The following ADGRV1 variants were observed in gnomAD, a reference collection of about 807,000 sequenced individuals.
ADGRV1 encodes the protein G-protein coupled receptor 98.
ADGRV1 carries 359 observed loss-of-function variants against 596.2 expected under a neutral mutation model. That is an observed-to-expected ratio of 0.60 (90% CI 0.55 to 0.66). The LOEUF is 0.66. Ranked by LOEUF, ADGRV1 falls within the 30% of genes least tolerant of loss-of-function variation. The probability of loss-of-function intolerance (pLI) is 0.00; values close to 1 mark genes in which losing one functional copy is unlikely to be tolerated. For synonymous variants in ADGRV1, 2,681 were observed against 2,679.2 expected (o/e 1.00, Z -0.02); for missense variants, 7,274 against 7,575.6 (o/e 0.96, Z 1.48).
At chr5:90,619,204 A>G (rs16868854) in intron 4 of ADGRV1, 23 bp downstream of exon 4, 4 of 1,067,180 alleles carry the variant, frequency 3.7e-6, no homozygotes, top group Non-Finnish European at 5.3e-6. Context: ...TTTGATGATA[A>G]TTGTGGTTGC....
chr5:90,897,108 A>G (rs1013969955), intron 83 of ADGRV1, among the ~76,000 whole-genome samples: 26 of 152,258 alleles, frequency 1.7e-4, no homozygotes, highest in Admixed American at 1.7e-3. Flanking sequence ...CACACATTTT[A>G]AAGAGGAAAA....
intron 84 of ADGRV1, among the ~76,000 whole-genome samples, chr5:90,980,782 A>G (rs1470482721): frequency 6.6e-6 from 1 of 152,212 alleles, no homozygotes; most frequent in Non-Finnish European, 1.5e-5. Context: ...CATTTGCTAT[A>G]TATCTGTTAA....
At chr5:90,768,664 G>A (rs1273298503) in intron 59 of ADGRV1, among the ~76,000 whole-genome samples, 2 of 152,136 alleles carry the variant, frequency 1.3e-5, no homozygotes, top group Non-Finnish European at 2.9e-5. Flanking sequence ...TGGTAACAGG[G>A]CAAAGTCCTT....
intron 1 of ADGRV1, among the ~76,000 whole-genome samples, chr5:90,563,820 T>C (rs1014407717): frequency 3.3e-5 from 5 of 152,240 alleles, no homozygotes; most frequent in African/African-American, 1.2e-4. Context: ...AAGATTTTTG[T>C]CAGCTTCTTT....
intron 83 of ADGRV1, among the ~76,000 whole-genome samples, chr5:90,938,802 T>C (rs1775930588): frequency 6.6e-6 from 1 of 152,190 alleles, no homozygotes; most frequent in Admixed American, 6.5e-5. Flanking sequence ...GGATTGTTTA[T>C]TTTACAAAGT....
In ADGRV1 at chr5:90,834,921, CTTCTTTCT is replaced by C. The variant is rs141937099; in HGVS notation, c.16612-5642_16612-5635del. Among the ~76,000 whole-genome samples, 32 of 127,906 alleles carry C rather than the reference CTTCTTTCT, an allele frequency of 2.5e-4. No homozygotes were observed. The South Asian group carries it at 6.6e-3, about 26-fold the overall frequency. The allele number at this position is 127,906 out of a possible 152,430, so 83.9% of individuals were successfully genotyped here. On this transcript the variant is annotated intron_variant, in intron 77 of 89. Coordinates refer to ENST00000405460, the MANE Select transcript of ADGRV1 (RefSeq NM_032119.4). ...TTCTCTTTCTTTTTCTTTCTCTTTCCTTCTTTCTTTCTTTCTTTCTTTTTCTTTCTCCT... is the reference window on the plus strand; with the variant it reads ...TTCTCTTTCTTTTTCTTTCTCTTTCCTTCTTTCTTTCTTTTTCTTTCTCCT...
In ADGRV1 at chr5:90,712,304, T is replaced by A; in HGVS notation, c.9060T>A (p.Asp3020Glu). Residue 3020 changes from aspartate (D) to glutamate (E), a missense_variant, in exon 42 of 90, where the codon GAT becomes GAA. Asp to Glu is a conservative substitution (Grantham distance 45). Around this residue, in one of 5 missense-constraint regions of ADGRV1, gnomAD observed 3,643 missense variants for 3,809.2 expected, o/e 0.96. Coordinates refer to ENST00000405460, the MANE Select transcript of ADGRV1 (RefSeq NM_032119.4). ...IFTPMILHFADGERYKNVNIM... is the reference protein window; with the variant it reads ...IFTPMILHFAEGERYKNVNIM... ...TTGACCAGATTCTTCATTTTGCTGATGGAGAAAGGTATAAAAATGTCAATA... is the reference window on the plus strand; with the variant it reads ...TTGACCAGATTCTTCATTTTGCTGAAGGAGAAAGGTATAAAAATGTCAATA... 1 of 1,540,828 alleles carries A rather than the reference T, an allele frequency of 6.5e-7. No homozygotes were observed. Among genetic ancestry groups the A allele is most frequent in the South Asian group, 1.2e-5 (1 of 81,970 alleles).
At chr5:90,996,978 T>C (rs1360301724) in intron 85 of ADGRV1, among the ~76,000 whole-genome samples, 4 of 152,232 alleles carry the variant, frequency 2.6e-5, no homozygotes, top group Non-Finnish European at 4.4e-5. Context: ...GTACAACCAT[T>C]GTATCTTGGA....
chr5:90,567,589 G>A (rs1755808077), intron 1 of ADGRV1, among the ~76,000 whole-genome samples: 1 of 151,778 alleles, frequency 6.6e-6, no homozygotes, highest in African/African-American at 2.4e-5. Context: ...CTAGTTTGTT[G>A]GCATGTAATT....
chr5:90,947,524 AAAT>A (rs1331843237), intron 83 of ADGRV1, among the ~76,000 whole-genome samples: 1 of 152,028 alleles, frequency 6.6e-6, no homozygotes, highest in Non-Finnish European at 1.5e-5. Flanking sequence ...GGATTATTTT[AAAT>A]GTTGATGTGA....
At chr5:91,045,520 G>C (rs998534804) in intron 85 of ADGRV1, among the ~76,000 whole-genome samples, 6 of 152,012 alleles carry the variant, frequency 3.9e-5, no homozygotes, top group South Asian at 4.1e-4. Flanking sequence ...AGCAAAATTG[G>C]CATACAAGGG....
In ADGRV1 at chr5:90,789,784, C is replaced by T; in HGVS notation, c.13976C>T (p.Ala4659Val). 1 of 1,547,416 alleles carries T rather than the reference C, an allele frequency of 6.5e-7. No homozygotes were observed. The highest frequency in any genetic ancestry group is 1.2e-5 in the South Asian group (1 of 81,608). The change falls in exon 69 of 90, where the codon GCT becomes GTT. Residue 4659 changes from alanine to valine, a missense_variant. Around this residue, in one of 5 missense-constraint regions of ADGRV1, gnomAD observed 3,643 missense variants for 3,809.2 expected, o/e 0.96. Transcript: ENST00000405460. ...AAGAAGACTTATTCAGAGCCTCTGG[C>T]TCTGGAAGGGCCCCTGCTCATTACC... ...LSKKTYSEPL[A>V]LEGPLLITFF...
intron 15 of ADGRV1, among the ~76,000 whole-genome samples, chr5:90,645,406 A>T (rs1260768976): frequency 6.6e-6 from 1 of 152,104 alleles, no homozygotes; most frequent in Non-Finnish European, 1.5e-5. Flanking sequence ...GGGGGAGGGG[A>T]GCACCAGTTC....
chr5:90,920,813 G>A (rs1456185767), intron 83 of ADGRV1, among the ~76,000 whole-genome samples: 1 of 152,124 alleles, frequency 6.6e-6, no homozygotes, highest in African/African-American at 2.4e-5. Flanking sequence ...CAGTTCCCCT[G>A]TACTTACTAA....
rs372362723 is a variant in ADGRV1, at chr5:90,791,053, G to A, written c.14224G>A (p.Glu4742Lys). Reference protein sequence around the residue: ...IQLVSVEGGAELDLEKSITWF... With the variant: ...IQLVSVEGGAKLDLEKSITWF... Reference sequence around the variant, plus strand: ...GCTTGTTTCTGTAGAGGGAGGAGCCGAACTGGATCTGGAGAAGAGTATCAC... The same window carrying A: ...GCTTGTTTCTGTAGAGGGAGGAGCCAAACTGGATCTGGAGAAGAGTATCAC... The change falls in exon 70 of 90, where the codon GAA (glutamate) becomes AAA (lysine). Residue 4742 changes from glutamate (E) to lysine (K), a missense_variant. Glu to Lys is a moderately conservative substitution (Grantham distance 56). Coordinates refer to ENST00000405460, the MANE Select transcript of ADGRV1 (RefSeq NM_032119.4). 3.5e-5 allele frequency: 57 copies of A among 1,613,768 alleles called. No homozygotes were observed. The highest frequency in any genetic ancestry group is 3.2e-4 in the African/African-American group (24 of 74,904).
chr5:90,758,892 G>A (rs1442801415), intron 57 of ADGRV1, among the ~76,000 whole-genome samples: 1 of 151,890 alleles, frequency 6.6e-6, no homozygotes, highest in Non-Finnish European at 1.5e-5. Flanking sequence ...CTTTCTTTTT[G>A]ACTACGTTGC....
At chr5:90,692,886 T>TA in intron 32 of ADGRV1, 100 bp downstream of exon 32, 1 of 835,428 alleles carries the variant, frequency 1.2e-6, no homozygotes, top group Non-Finnish European at 1.8e-6. Flanking sequence ...TTTGTGGTTT[T>TA]TTCTATGCCA....
Position 90,743,766 on chromosome 5 carries a change from C to T in ADGRV1, c.10550-1280C>T, listed in dbSNP as rs528478367. Among the ~76,000 whole-genome samples, 285 of 152,118 alleles carry T rather than the reference C, an allele frequency of 1.9e-3. 1 individual carries two copies. Among genetic ancestry groups the T allele is most frequent in the South Asian group, 1.9e-3 (9 of 4,824 alleles). On this transcript the variant is annotated intron_variant, in intron 50 of 89. Coordinates refer to ENST00000405460, the MANE Select transcript of ADGRV1 (RefSeq NM_032119.4). ...GATTACAGGCATGAGCCACCGTGCCCGGCCTCATTTGATATATTTATGTTC... is the reference window on the plus strand; with the variant it reads ...GATTACAGGCATGAGCCACCGTGCCTGGCCTCATTTGATATATTTATGTTC...
intron 85 of ADGRV1, among the ~76,000 whole-genome samples, chr5:91,035,861 T>TATATATATATATATATATA: frequency 6.2e-5 from 6 of 96,400 alleles, no homozygotes; most frequent in African/African-American, 2.3e-4. Flanking sequence ...TATATATATA[T>TATATATATATATATATATA]TATATATATA....
Sources: allele counts gnomAD v4.1 joint callset (sites outside exome capture counted in the v4.1 genomes callset), GRCh38; gene constraint gnomAD v4.1.1; regional missense constraint gnomAD v4.1.1; transcripts MANE v1.5; gene names NCBI Gene and HGNC (gene_info 2026-07-23, HGNC 2026-07-21).